Variants in DCC observed in about 807,000 individuals in gnomAD.
DCC encodes netrin receptor DCC.
In DCC, 58 loss-of-function variants were observed where a neutral mutation model predicts 172.5. That is an observed-to-expected ratio of 0.34 (90% CI 0.27 to 0.42). The LOEUF is 0.42. Ranked by LOEUF, DCC falls within the 10% of genes least tolerant of loss-of-function variation. The probability of loss-of-function intolerance (pLI) is 1.00; values close to 1 mark genes in which losing one functional copy is unlikely to be tolerated. For synonymous variants in DCC, 709 were observed against 644.5 expected (o/e 1.10, Z -1.52); for missense variants, 1,740 against 1,791.0 (o/e 0.97, Z 0.51).
intron 1 of DCC, among the ~76,000 whole-genome samples, chr18:52,351,353 G>A (rs1464050234): frequency 6.6e-6 from 1 of 152,112 alleles, no homozygotes; most frequent in Admixed American, 6.6e-5. Context: ...ATTCAAATGA[G>A]TTCTTATCAA....
chr18:52,800,296 T>A (rs2037960306), intron 2 of DCC, among the ~76,000 whole-genome samples: 1 of 151,996 alleles, frequency 6.6e-6, no homozygotes. Context: ...TTTAAATGAG[T>A]CATTAAACAA....
At chr18:52,898,700 A>ATT (rs5824974) in intron 2 of DCC, among the ~76,000 whole-genome samples, 223 of 148,588 alleles carry the variant, frequency 1.5e-3, no homozygotes, top group African/African-American at 3.6e-3. Flanking sequence ...TTTTTACCTC[A>ATT]TTTTTTTTTT....
chr18:53,200,722 C>T (rs534686728), intron 9 of DCC, among the ~76,000 whole-genome samples: 22 of 152,080 alleles, frequency 1.4e-4, no homozygotes, highest in Non-Finnish European at 2.8e-4. Flanking sequence ...ATCTGTTTCC[C>T]AGAAGTTTCC....
chr18:52,530,206 ATC>A (rs2032106710), intron 1 of DCC, among the ~76,000 whole-genome samples: 1 of 152,208 alleles, frequency 6.6e-6, no homozygotes, highest in African/African-American at 2.4e-5. Flanking sequence ...GACAAGAATA[ATC>A]TCTCTTCAAG....
chr18:52,534,587 G>A (rs190150032), intron 1 of DCC, among the ~76,000 whole-genome samples: 37 of 152,184 alleles, frequency 2.4e-4, no homozygotes, highest in Admixed American at 2.0e-4. Flanking sequence ...CATTAGGCCC[G>A]CAGTAGGTGC....
intron 5 of DCC, among the ~76,000 whole-genome samples, chr18:52,986,802 TGTA>T (rs771997377): frequency 3.3e-5 from 5 of 150,586 alleles, no homozygotes; most frequent in Non-Finnish European, 5.9e-5. Context: ...TACACACACG[TGTA>T]GTATATATAT....
At chr18:53,179,584 G>A (rs1454724818) in intron 9 of DCC, among the ~76,000 whole-genome samples, 5 of 152,114 alleles carry the variant, frequency 3.3e-5, no homozygotes, top group Non-Finnish European at 5.9e-5. Flanking sequence ...AGCAAATTGA[G>A]ATTTGAGGAA....
chr18:53,387,048 T>C (rs1213316804), intron 16 of DCC, among the ~76,000 whole-genome samples: 1 of 152,176 alleles, frequency 6.6e-6, no homozygotes, highest in Non-Finnish European at 1.5e-5. Context: ...TTGTCAGATA[T>C]TGTCCCCTTA....
At chr18:53,084,261 A>G (rs2042847902) in intron 7 of DCC, among the ~76,000 whole-genome samples, 2 of 152,162 alleles carry the variant, frequency 1.3e-5, no homozygotes, top group South Asian at 4.1e-4. Context: ...CCTTACTCCT[A>G]TAATAACCCA....
chr18:52,946,809 T>A (rs1001180838), intron 5 of DCC, among the ~76,000 whole-genome samples: 8 of 152,206 alleles, frequency 5.3e-5, no homozygotes, highest in Non-Finnish European at 1.0e-4. Context: ...ATCAATAATT[T>A]AATCCAGGGC....
At chr18:53,412,095 T>A (rs1404681891) in intron 20 of DCC, among the ~76,000 whole-genome samples, 1 of 152,120 alleles carries the variant, frequency 6.6e-6, no homozygotes, top group African/African-American at 2.4e-5. Flanking sequence ...ATCCCAGGAA[T>A]TGTTTAATGA....
rs1187513224 is a variant in DCC, at chr18:52,923,817, A to G, written c.808A>G (p.Ser270Gly). 6.2e-7 allele frequency: 1 copy of G among 1,613,344 alleles called. No individual in the cohort carries two copies. Among genetic ancestry groups the G allele is most frequent in the Non-Finnish European group, 8.5e-7 (1 of 1,179,506 alleles). Residue 270 changes from serine (S) to glycine (G), a missense_variant, in exon 4 of 29, where the codon AGT (serine) becomes GGT (glycine). By Grantham distance (56) the Ser-to-Gly change is moderately conservative (BLOSUM62 0). Coordinates refer to ENST00000442544, the MANE Select transcript of DCC (RefSeq NM_005215.4). ...TTGTGTTTCTGGCTATCCTCCACCA[A>G]GTTTTACCTGGTTACGAGGCGAGGA... ...ECCVSGYPPP[S>G]FTWLRGEEVI...
intron 7 of DCC, among the ~76,000 whole-genome samples, chr18:53,154,254 A>T (rs1014631161): frequency 6.6e-6 from 1 of 152,146 alleles, no homozygotes; most frequent in African/African-American, 2.4e-5. Context: ...AGCCATATAG[A>T]TAATGCACTC....
chr18:52,794,156 T>G (rs2037827391), intron 2 of DCC, among the ~76,000 whole-genome samples: 1 of 152,148 alleles, frequency 6.6e-6, no homozygotes, highest in African/African-American at 2.4e-5. Context: ...CACATAAATT[T>G]TAGTTTTTTT....
chr18:52,498,036 A>G (rs868528497), intron 1 of DCC, among the ~76,000 whole-genome samples: 1 of 152,234 alleles, frequency 6.6e-6, no homozygotes, highest in Admixed American at 6.5e-5. Context: ...ACAAAAAGGA[A>G]TAAGTGTGGC....
intron 12 of DCC, among the ~76,000 whole-genome samples, chr18:53,247,105 C>T (rs187313643): frequency 6.6e-6 from 1 of 151,996 alleles, no homozygotes; most frequent in Non-Finnish European, 1.5e-5. Flanking sequence ...GGCAGAGTAT[C>T]ATGAGCCATG....
At chr18:53,406,961 A>G (rs1909701411) in intron 19 of DCC, among the ~76,000 whole-genome samples, 1 of 152,150 alleles carries the variant, frequency 6.6e-6, no homozygotes, top group Non-Finnish European at 1.5e-5. Context: ...ATTTTAAGAA[A>G]AGGGTAGGCT....
intron 1 of DCC, among the ~76,000 whole-genome samples, chr18:52,521,013 A>G (rs1240554418): frequency 2.6e-5 from 4 of 152,124 alleles, no homozygotes; most frequent in African/African-American, 9.7e-5. Flanking sequence ...AAAATAGTGT[A>G]TTTTTCAGGC....
At chr18:52,904,157 T>G (rs7237989) in intron 2 of DCC, among the ~76,000 whole-genome samples, 2,491 of 152,272 alleles carry the variant, frequency 0.016, 60 homozygotes, top group African/African-American at 0.054. Flanking sequence ...AATATATATG[T>G]GAGGGATAAA....
Sources: allele counts gnomAD v4.1 joint callset (sites outside exome capture counted in the v4.1 genomes callset), GRCh38; gene constraint gnomAD v4.1.1; transcripts MANE v1.5; gene names NCBI Gene and HGNC (gene_info 2026-07-23, HGNC 2026-07-21).